Variants in GOLGA3 observed in about 807,000 individuals in gnomAD.
GOLGA3 encodes golgin A3.
In GOLGA3, 75 loss-of-function variants were observed where a neutral mutation model predicts 169.4. The ratio of observed to expected loss-of-function variants is 0.44; its 90% CI spans 0.37 to 0.54. GOLGA3 has a LOEUF of 0.54. Ranked by LOEUF, GOLGA3 falls within the 20% of genes least tolerant of loss-of-function variation. The pLI, the probability that GOLGA3 is intolerant of heterozygous loss-of-function variation, is 0.00. For missense variants in GOLGA3, 1,899 were observed against 1,930.0 expected, an observed-to-expected ratio of 0.98 and a Z score of 0.30; for synonymous variants, 824 against 822.4, an observed-to-expected ratio of 1.00 and a Z score of -0.03.
intron 6 of GOLGA3, among the ~76,000 whole-genome samples, chr12:132,806,084 G>A (rs1949385272): frequency 1.3e-5 from 2 of 152,182 alleles, no homozygotes; most frequent in South Asian, 4.1e-4. Context: ...GAGGCCTACA[G>A]GGGCAGGGAT....
At chr12:132,807,315 T>TGACCC in intron 5 of GOLGA3, 27 bp from the exon 6 acceptor site, 1 of 1,294,342 alleles carries the variant, frequency 7.7e-7, no homozygotes, top group Non-Finnish European at 1.1e-6. Flanking sequence ...GGGTCAGGCC[T>TGACCC]GTGCGAGCCA....
rs760191667 is a variant in GOLGA3, at chr12:132,784,232, C to G, written c.3199G>C (p.Glu1067Gln). The change falls in exon 16 of 24, where the codon GAG (glutamate) becomes CAG (glutamine). Residue 1067 changes from glutamate (E) to glutamine (Q), a missense_variant. Coordinates refer to ENST00000450791, the MANE Select transcript of GOLGA3 (RefSeq NM_001389683.1). Reference protein sequence around the residue: ...SKTLLEKELQEVIALTSQELE... With the variant: ...SKTLLEKELQQVIALTSQELE... ...TCCTGGCTGGTCAGCGCTATGACCT[C>G]CTGCAGTTCCTTTTCCAGCAGCGTC... 6.2e-6 allele frequency: 10 copies of G among 1,611,206 alleles called. No individual in the cohort carries two copies. The South Asian group carries it at 1.1e-4, about 18-fold the overall frequency.
chr12:132,800,119 A>T (rs1361211641), intron 8 of GOLGA3, among the ~76,000 whole-genome samples: 1 of 152,236 alleles, frequency 6.6e-6, no homozygotes, highest in Non-Finnish European at 1.5e-5. Context: ...GCTGTAAAAA[A>T]GTGTATTAAT....
rs201939596 is a variant in GOLGA3 at position 132,788,985 on chromosome 12, C to A, written c.2811+42G>T. On this transcript the variant is annotated intron_variant, in intron 13 of 23. Coordinates refer to ENST00000450791, the MANE Select transcript of GOLGA3 (RefSeq NM_001389683.1). ...CCACCCTCCCGACAAGCACTTTGGC[C>A]GAATCCTCCCCATCAAATGAGTCAA... 1.4e-5 allele frequency: 21 copies of A among 1,494,852 alleles called. No homozygotes were observed. In the South Asian group the frequency reaches 2.2e-4, roughly 16 times the overall value. The allele number at this position is 1,494,852 out of a possible 1,614,324, so 92.6% of individuals were successfully genotyped here. A position where few individuals can be genotyped will look rare whatever the true frequency, so the allele number is the denominator to read the frequency against.
chr12:132,786,441 G>A lies in GOLGA3; in HGVS notation c.3021C>T (p.Ser1007=), dbSNP rs1032702214. The A allele has an allele frequency of 1.9e-6, 3 of 1,613,348 alleles. No homozygotes were observed. Among genetic ancestry groups the A allele is most frequent in the African/African-American group, 2.7e-5 (2 of 74,898 alleles). The part of the protein sequence containing the change: ...KAYENAVGIL[S]RRLQEALAAK... ...CCGCGAGGGCCTCCTGCAGGCGGCGGCTGAGGATGCCCACGGCGTTCTCGT... is the reference window on the plus strand; with the variant it reads ...CCGCGAGGGCCTCCTGCAGGCGGCGACTGAGGATGCCCACGGCGTTCTCGT... Residue 1007 remains serine (S), a synonymous_variant, in exon 15 of 24, where the codon AGC becomes AGT. Coordinates refer to ENST00000450791, the MANE Select transcript of GOLGA3 (RefSeq NM_001389683.1).
chr12:132,791,335 G>A (rs756613110), intron 11 of GOLGA3, 42 bp from the exon 12 acceptor site: 4 of 1,140,332 alleles, frequency 3.5e-6, no homozygotes, highest in Non-Finnish European at 5.2e-6. Context: ...GACGGCTCCA[G>A]GAGGGGAATC....
intron 9 of GOLGA3, among the ~76,000 whole-genome samples, chr12:132,797,083 C>T (rs553653955): frequency 3.3e-4 from 50 of 152,360 alleles, no homozygotes; most frequent in Admixed American, 1.4e-3. Context: ...AGCCTCACAT[C>T]GGGGTACACT....
At chr12:132,790,228 G>GGAGGCTGA (rs2046155611) in intron 12 of GOLGA3, among the ~76,000 whole-genome samples, 3 of 152,122 alleles carry the variant, frequency 2.0e-5, no homozygotes, top group Non-Finnish European at 1.5e-5. Flanking sequence ...CAGCTACTCA[G>GGAGGCTGA]GAGGCTGAGG....
intron 18 of GOLGA3, among the ~76,000 whole-genome samples, chr12:132,779,811 G>T (rs904954661): frequency 8.9e-6 from 1 of 111,942 alleles, no homozygotes; most frequent in African/African-American, 3.5e-5. Flanking sequence ...GCACACACGT[G>T]TGTGCACACA....
chr12:132,798,100 G>C (rs531628165), intron 9 of GOLGA3, among the ~76,000 whole-genome samples: 1 of 151,264 alleles, frequency 6.6e-6, no homozygotes. Flanking sequence ...AGGATGAGGG[G>C]TGGGGGGGGT....
At chr12:132,794,585 G>A (rs1489085080) in intron 11 of GOLGA3, among the ~76,000 whole-genome samples, 1 of 152,336 alleles carries the variant, frequency 6.6e-6, no homozygotes, top group East Asian at 1.9e-4. Flanking sequence ...ATAACTGCCA[G>A]TAATGACAAC....
Position 132,791,197 on chromosome 12 carries a change from A to G in GOLGA3, c.2547+19T>C, listed in dbSNP as rs752441141. 1 of 1,463,530 alleles carries G rather than the reference A, an allele frequency of 6.8e-7. No homozygotes were observed. Among genetic ancestry groups the G allele is most frequent in the Non-Finnish European group, 9.6e-7 (1 of 1,044,016 alleles). The allele number at this position is 1,463,530 out of a possible 1,614,324, so 90.7% of individuals were successfully genotyped here. On this transcript the variant is annotated intron_variant, in intron 12 of 23. Coordinates refer to ENST00000450791, the MANE Select transcript of GOLGA3 (RefSeq NM_001389683.1). ...TCATATGCTTGTTTCAAGTGAAGAA[A>G]TCAACAACAGATTTTTACCTTTTGT... is the stretch of plus-strand genomic sequence containing the variant.
rs2044877056 is a variant in GOLGA3, at chr12:132,771,015, C to G, written c.*2090G>C. 1 of 152,222 alleles carries G rather than the reference C, an allele frequency of 6.6e-6. No homozygotes were observed. The allele number at this position is 152,222 out of a possible 1,614,324, so 9.4% of individuals were successfully genotyped here. ...AACGTAAATTGCCGTATTTTTTTTT[C>G]TAATGGTACAAGAACAATTTAGTAA... is the stretch of plus-strand genomic sequence containing the variant. On this transcript the variant is annotated 3_prime_UTR_variant, in exon 24 of 24. Transcript: ENST00000450791.
At chr12:132,799,017 C>T (rs907171629) in intron 8 of GOLGA3, among the ~76,000 whole-genome samples, 2 of 152,232 alleles carry the variant, frequency 1.3e-5, no homozygotes, top group Non-Finnish European at 2.9e-5. Flanking sequence ...AGGAGGACGG[C>T]GTCAGCCAAG....
chr12:132,812,206 CACACACAT>C (rs1264224560), intron 4 of GOLGA3, among the ~76,000 whole-genome samples: 4 of 119,546 alleles, frequency 3.3e-5, no homozygotes, highest in African/African-American at 5.4e-5. Flanking sequence ...CACACACACA[CACACACAT>C]ATATATATAT....
At chr12:132,773,346 A>G (rs1474488489) in intron 23 of GOLGA3, 52 bp from the exon 24 acceptor site, 3 of 1,183,314 alleles carry the variant, frequency 2.5e-6, no homozygotes, top group Non-Finnish European at 2.3e-6. Context: ...TGCCAGGCAG[A>G]ACGCGCCACC....
rs745540748 is a variant in GOLGA3 at position 132,821,958 on chromosome 12, C to A, written c.133+38G>T. ...CCACGTCCTCCCTCAACACCAGGTC[C>A]TCCTGTGACCAGCACACAGAGGAAC... On this transcript the variant is annotated intron_variant, in intron 2 of 23. Transcript: ENST00000450791. 12 of 1,432,698 alleles carry A rather than the reference C, an allele frequency of 8.4e-6. No individual in the cohort carries two copies. The East Asian group carries it at 2.9e-4, about 34-fold the overall frequency. The allele number at this position is 1,432,698 out of a possible 1,614,324, so 88.7% of individuals were successfully genotyped here.
At chr12:132,807,522 G>T (rs994725236) in intron 5 of GOLGA3, among the ~76,000 whole-genome samples, 1 of 152,192 alleles carries the variant, frequency 6.6e-6, no homozygotes, top group Non-Finnish European at 1.5e-5. Flanking sequence ...TGCAAGCGTC[G>T]TGCAGCTTAG....
chr12:132,770,806 TGTATGTTTAGTAAAGACGG>T lies in GOLGA3; in HGVS notation c.*2280_*2298del, dbSNP rs568360401. ...CGCACTACGACACCCGGCTAATTTT[TGTATGTTTAGTAAAGACGG>T]GGTTTTGCCATGTTGGCCAGGATGG... is the stretch of plus-strand genomic sequence containing the variant. On this transcript the variant is annotated 3_prime_UTR_variant, in exon 24 of 24. Transcript: ENST00000450791. 7.2e-5 allele frequency: 11 copies of T among 152,328 alleles called. No individual in the cohort carries two copies. The South Asian group carries it at 2.1e-3, about 29-fold the overall frequency. The allele number at this position is 152,328 out of a possible 1,614,324, so 9.4% of individuals were successfully genotyped here.
Sources: allele counts gnomAD v4.1 joint callset (sites outside exome capture counted in the v4.1 genomes callset), GRCh38; gene constraint gnomAD v4.1.1; transcripts MANE v1.5; gene names NCBI Gene and HGNC (gene_info 2026-07-23, HGNC 2026-07-21).